Variants in NSG2 observed in about 807,000 individuals in gnomAD.
NSG2 encodes the protein neuronal vesicle trafficking associated 2.
A neutral mutation model predicts 16.9 loss-of-function variants in NSG2; 4 were observed. The observed-to-expected ratio is 0.24, with a 90% CI of 0.12 to 0.54. The LOEUF is 0.54. Among genes scored for constraint, NSG2 ranks in the 20% least tolerant of loss-of-function variants. NSG2 has a pLI of 0.95. For synonymous variants in NSG2, 98 were observed against 88.7 expected (o/e 1.11, Z -0.59); for missense variants, 179 against 221.1 (o/e 0.81, Z 1.21).
At chr5:174,077,442 T>G (rs1000352032) in intron 3 of NSG2, among the ~76,000 whole-genome samples, 2 of 152,198 alleles carry the variant, frequency 1.3e-5, no homozygotes, top group African/African-American at 4.8e-5. Context: ...AGCCTGTCTC[T>G]TGCTCATCTC....
intron 3 of NSG2, among the ~76,000 whole-genome samples, chr5:174,069,283 G>T (rs930319795): frequency 2.0e-5 from 3 of 152,152 alleles, no homozygotes; most frequent in African/African-American, 7.2e-5. Flanking sequence ...GGAAGATGCT[G>T]GTGCTGAGGA....
chr5:174,059,924 A>G (rs1465889412), intron 2 of NSG2, among the ~76,000 whole-genome samples: 2 of 152,216 alleles, frequency 1.3e-5, no homozygotes, highest in South Asian at 2.1e-4. Context: ...ATTGGGTAAC[A>G]TGCCCATGTC....
chr5:174,086,393 T>C (rs575671949), intron 3 of NSG2: 4 of 152,394 alleles, frequency 2.6e-5, no homozygotes, highest in East Asian at 3.9e-4. Context: ...TTTCATGATC[T>C]CTACCTTTCT....
At chr5:174,096,434 G>C (rs1176392557) in intron 3 of NSG2, among the ~76,000 whole-genome samples, 1 of 152,186 alleles carries the variant, frequency 6.6e-6, no homozygotes, top group African/African-American at 2.4e-5. Flanking sequence ...AAGATCATGG[G>C]GGTGGGGAAA....
chr5:174,103,579 G>C lies in NSG2; in HGVS notation c.214-649G>C, dbSNP rs549944895. Among the ~76,000 whole-genome samples the C allele has an allele frequency of 2.6e-5, 4 of 152,308 alleles. No individual in the cohort carries two copies. In the East Asian group the frequency reaches 5.8e-4, roughly 22 times the overall value. On this transcript the variant is annotated intron_variant, in intron 3 of 4. Transcript: ENST00000303177. ...AAAGCAGGAAGCACTGGAAGTGACA[G>C]CTTAATGATCAACTCCCCCACATCC... is the stretch of plus-strand genomic sequence containing the variant.
intron 3 of NSG2, among the ~76,000 whole-genome samples, chr5:174,080,313 T>A (rs1324860730): frequency 6.7e-6 from 1 of 148,726 alleles, no homozygotes; most frequent in African/African-American, 2.4e-5. Context: ...ATGTTATATA[T>A]ATATAAAATG....
At chr5:174,074,681 C>G (rs1362543554) in intron 3 of NSG2, among the ~76,000 whole-genome samples, 1 of 152,066 alleles carries the variant, frequency 6.6e-6, no homozygotes, top group East Asian at 1.9e-4. Flanking sequence ...GCTGCTGATT[C>G]CTGTCCCTCT....
chr5:174,066,010 C>T lies in NSG2; in HGVS notation c.213+1695C>T, dbSNP rs1029369786. ...GGTTATCTGGGAATTGAAGCGTATG[C>T]GGGGAGAAACATGTGGGTTTGTTTG... On this transcript the variant is annotated intron_variant, in intron 3 of 4. Transcript: ENST00000303177. Among the ~76,000 whole-genome samples the T allele has an allele frequency of 7.9e-5, 12 of 152,282 alleles. No individual in the cohort carries two copies. The South Asian group carries it at 8.3e-4, about 11-fold the overall frequency.
intron 2 of NSG2, among the ~76,000 whole-genome samples, chr5:174,057,062 GAAAAC>G (rs2113425387): frequency 6.6e-6 from 1 of 152,302 alleles, no homozygotes; most frequent in South Asian, 2.1e-4. Flanking sequence ...AATATGGAAA[GAAAAC>G]AAAGTTATTT....
chr5:174,061,995 G>A (rs1760061007), intron 2 of NSG2, among the ~76,000 whole-genome samples: 1 of 146,596 alleles, frequency 6.8e-6, no homozygotes, highest in African/African-American at 2.6e-5. Flanking sequence ...TGTTGCTCTT[G>A]ATAGGCTAGG....
intron 3 of NSG2, among the ~76,000 whole-genome samples, chr5:174,084,786 A>G (rs1760571963): frequency 6.6e-6 from 1 of 152,222 alleles, no homozygotes; most frequent in African/African-American, 2.4e-5. Flanking sequence ...CCCAATTTGC[A>G]GCTGCGGCAG....
chr5:174,065,954 G>A (rs1760131772), intron 3 of NSG2, among the ~76,000 whole-genome samples: 1 of 152,210 alleles, frequency 6.6e-6, no homozygotes, highest in African/African-American at 2.4e-5. Context: ...ACTGTGACTG[G>A]GAGCTTTGAA....
In NSG2 at chr5:174,104,329, C is replaced by A; in HGVS notation, c.315C>A (p.Phe105Leu). The change falls in exon 4 of 5, where the codon TTC becomes TTA. Residue 105 changes from phenylalanine to leucine, a missense_variant. Physicochemically the swap from Phe to Leu is conservative, Grantham distance 22 (BLOSUM62 0). Transcript: ENST00000303177. ...FTYDHSCPEG[F>L]VYKHKRCIPA... ...ATGATCACAGCTGCCCAGAGGGATT[C>A]GTCTATAAGGTAAGAGGTGGTTGAG... 1 of 1,611,346 alleles carries A rather than the reference C, an allele frequency of 6.2e-7. No individual in the cohort carries two copies. The highest frequency in any genetic ancestry group is 8.5e-7 in the Non-Finnish European group (1 of 1,177,520).
At chr5:174,097,843 C>G (rs543031848) in intron 3 of NSG2, among the ~76,000 whole-genome samples, 2,731 of 144,466 alleles carry the variant, frequency 0.019, 86 homozygotes, top group African/African-American at 0.062. Flanking sequence ...TTGTGTGTGT[C>G]TGTGTGTGTG....
In NSG2 at chr5:174,108,512, G is replaced by A. The variant is rs1761020822; in HGVS notation, c.*1007G>A. On this transcript the variant is annotated 3_prime_UTR_variant, in exon 5 of 5. Transcript: ENST00000303177. ...AACCAGGAGCCTCAAGTGACAGCCA[G>A]GAAGAGACCTGAAGGTTGGGGCCAC... The A allele has an allele frequency of 1.3e-5, 2 of 152,398 alleles. No individual in the cohort carries two copies. The highest frequency in any genetic ancestry group is 4.8e-5 in the African/African-American group (2 of 41,466). The allele number at this position is 152,398 out of a possible 1,614,324, so 9.4% of individuals were successfully genotyped here. A position where few individuals can be genotyped will look rare whatever the true frequency, so the allele number is the denominator to read the frequency against.
At chr5:174,102,764 T>G (rs1169980049) in intron 3 of NSG2, among the ~76,000 whole-genome samples, 1 of 146,164 alleles carries the variant, frequency 6.8e-6, no homozygotes, top group Non-Finnish European at 1.5e-5. Flanking sequence ...TTTTATTTAT[T>G]TATTTATTTA....
intron 3 of NSG2, among the ~76,000 whole-genome samples, chr5:174,067,395 A>G (rs1561664757): frequency 6.6e-6 from 1 of 152,186 alleles, no homozygotes; most frequent in Admixed American, 6.5e-5. Flanking sequence ...TAGAACAGAA[A>G]TGAGTCAGCT....
At chr5:174,070,051 A>T (rs1760209721) in intron 3 of NSG2, among the ~76,000 whole-genome samples, 1 of 151,480 alleles carries the variant, frequency 6.6e-6, no homozygotes, top group South Asian at 2.1e-4. Context: ...CTAATTTAAA[A>T]AGGTTTTTCT....
In NSG2 at chr5:174,102,749, G is replaced by GT. The variant is rs34781452; in HGVS notation, c.214-1471dup. Among the ~76,000 whole-genome samples the GT allele has an allele frequency of 6.0e-4, 89 of 148,088 alleles. 1 individual carries two copies. In the South Asian group the frequency reaches 0.019, roughly 31 times the overall value. ...TTCGAGCAGAAAAGGGCCATGCTTT[G>GT]TTTTTTTTATTTATTTATTTATTTA... is the stretch of plus-strand genomic sequence containing the variant. On this transcript the variant is annotated intron_variant, in intron 3 of 4. Coordinates refer to ENST00000303177, the MANE Select transcript of NSG2 (RefSeq NM_015980.5).
Sources: allele counts gnomAD v4.1 joint callset (sites outside exome capture counted in the v4.1 genomes callset), GRCh38; gene constraint gnomAD v4.1.1; transcripts MANE v1.5; gene names NCBI Gene and HGNC (gene_info 2026-07-23, HGNC 2026-07-21).